Variants in EIF4G3 observed in about 807,000 individuals in gnomAD.
The protein encoded by EIF4G3 is eukaryotic translation initiation factor 4 gamma 3, also known as eIF-4-gamma 3.
EIF4G3 carries 34 observed loss-of-function variants against 186.4 expected under a neutral mutation model. The ratio of observed to expected loss-of-function variants is 0.18; its 90% CI spans 0.14 to 0.24. EIF4G3 has a LOEUF of 0.24. EIF4G3 is among the 10% of genes least tolerant of loss of function. EIF4G3 has a pLI of 1.00. For missense variants in EIF4G3, 1,536 were observed against 1,948.5 expected (o/e 0.79, Z 3.99); for synonymous variants, 673 against 679.5 (o/e 0.99, Z 0.15).
chr1:20,897,577 C>T (rs2088710282), intron 16 of EIF4G3, among the ~76,000 whole-genome samples: 1 of 152,022 alleles, frequency 6.6e-6, no homozygotes, highest in Admixed American at 6.6e-5. Flanking sequence ...AATCAGACTC[C>T]AGATTACTTC....
At chr1:20,861,965 C>G (rs2076456369) in intron 23 of EIF4G3, among the ~76,000 whole-genome samples, 1 of 151,190 alleles carries the variant, frequency 6.6e-6, no homozygotes, top group Non-Finnish European at 1.5e-5. Flanking sequence ...CAGAGTGAGA[C>G]TCTATCTCAA....
At chr1:21,141,202 G>T (rs950894854) in intron 2 of EIF4G3, among the ~76,000 whole-genome samples, 2 of 151,982 alleles carry the variant, frequency 1.3e-5, no homozygotes, top group East Asian at 3.9e-4. Context: ...CTACATAAAC[G>T]AAGAGGTGTC....
At chr1:20,951,681 T>C (rs1363977400) in intron 12 of EIF4G3, among the ~76,000 whole-genome samples, 1 of 151,946 alleles carries the variant, frequency 6.6e-6, no homozygotes, top group Non-Finnish European at 1.5e-5. Flanking sequence ...ATTTGTAAAT[T>C]GTATCATTTA....
At position 20,806,765 on chromosome 1, in the gene EIF4G3, C is replaced by G. The variant is rs1056369624; in HGVS notation, c.*554G>C. 1.3e-5 allele frequency: 2 copies of G among 150,166 alleles called. No individual in the cohort carries two copies. Among genetic ancestry groups the G allele is most frequent in the Admixed American group, 1.3e-4 (2 of 15,042 alleles). 9.3% of individuals were successfully genotyped at this position (150,166 alleles called of 1,614,324 possible). On this transcript the variant is annotated 3_prime_UTR_variant, in exon 37 of 37. Transcript: ENST00000602326. ...GATTTTTTAAATTTTCTGAAGCAAG[C>G]TGAGAGGCAGGCAGAAAGATTTGAT...
At chr1:20,809,277 T>G (rs2058758983) in intron 36 of EIF4G3, among the ~76,000 whole-genome samples, 1 of 152,226 alleles carries the variant, frequency 6.6e-6, no homozygotes, top group South Asian at 2.1e-4. Flanking sequence ...AAGCTAATAT[T>G]ATCAAATTAT....
At chr1:21,033,754 A>T (rs568278215) in intron 4 of EIF4G3, among the ~76,000 whole-genome samples, 1 of 152,318 alleles carries the variant, frequency 6.6e-6, no homozygotes, top group South Asian at 2.1e-4. Flanking sequence ...TGAAGAGAAC[A>T]TCGGGAATAC....
chr1:21,114,923 G>A (rs903537495), intron 2 of EIF4G3, among the ~76,000 whole-genome samples: 6 of 152,148 alleles, frequency 3.9e-5, no homozygotes, highest in Non-Finnish European at 5.9e-5. Context: ...AGCATTTTGA[G>A]AGGCTGAGGC....
chr1:20,887,717 A>G (rs956312060), intron 18 of EIF4G3, among the ~76,000 whole-genome samples: 2 of 152,142 alleles, frequency 1.3e-5, no homozygotes, highest in African/African-American at 4.8e-5. Flanking sequence ...ACTGAAAGGA[A>G]ATAAAGATCA....
intron 26 of EIF4G3, 110 bp from the exon 27 acceptor site, chr1:20,853,787 T>G (rs1472617539): frequency 2.7e-6 from 2 of 753,214 alleles, no homozygotes; most frequent in Non-Finnish European, 4.5e-6. Context: ...CCTAACAAGC[T>G]TAGGTGACGC....
At chr1:21,027,852 T>C (rs1197498498) in intron 4 of EIF4G3, among the ~76,000 whole-genome samples, 1 of 152,200 alleles carries the variant, frequency 6.6e-6, no homozygotes, top group East Asian at 1.9e-4. Flanking sequence ...TTCATATCAC[T>C]ATTATTCATA....
intron 14 of EIF4G3, among the ~76,000 whole-genome samples, chr1:20,909,312 T>G (rs1205438070): frequency 3.3e-5 from 5 of 152,350 alleles, no homozygotes; most frequent in Non-Finnish European, 1.5e-5. Context: ...TCTTTTTCTT[T>G]GCAGAAATAT....
At chr1:21,131,317 G>A (rs1467867510) in intron 2 of EIF4G3, among the ~76,000 whole-genome samples, 1 of 132,854 alleles carries the variant, frequency 7.5e-6, no homozygotes, top group African/African-American at 2.6e-5. Context: ...TACAACATAG[G>A]GAAGAAAAAA....
At chr1:21,091,134 A>G (rs1004949532) in intron 2 of EIF4G3, among the ~76,000 whole-genome samples, 13 of 152,194 alleles carry the variant, frequency 8.5e-5, no homozygotes, top group African/African-American at 3.1e-4. Flanking sequence ...AAACAGCTAT[A>G]GTCTTCTTTT....
chr1:21,118,041 C>G (rs1385789821), intron 2 of EIF4G3, among the ~76,000 whole-genome samples: 3 of 152,224 alleles, frequency 2.0e-5, no homozygotes, highest in African/African-American at 2.4e-5. Context: ...AGGACACAGT[C>G]TTTTGGCTTG....
intron 4 of EIF4G3, among the ~76,000 whole-genome samples, chr1:21,045,625 C>A (rs1404155374): frequency 6.6e-6 from 1 of 152,070 alleles, no homozygotes; most frequent in Non-Finnish European, 1.5e-5. Flanking sequence ...GAAAAAAGAC[C>A]TAGATTTTGA....
chr1:20,991,966 C>T (rs899415033), intron 7 of EIF4G3, among the ~76,000 whole-genome samples: 2 of 152,150 alleles, frequency 1.3e-5, no homozygotes, highest in African/African-American at 4.8e-5. Context: ...GTTATTAAAA[C>T]ATCTCAGTAT....
chr1:21,115,706 T>TTTGTTG (rs140196601), intron 2 of EIF4G3, among the ~76,000 whole-genome samples: 2 of 151,884 alleles, frequency 1.3e-5, no homozygotes, highest in South Asian at 2.1e-4. Flanking sequence ...ATTAGAATAA[T>TTTGTTG]TTGTTGTTGT....
chr1:20,981,195 T>A lies in EIF4G3; in HGVS notation c.231A>T (p.Arg77Ser). The A allele has an allele frequency of 1.2e-6, 2 of 1,612,096 alleles. No individual in the cohort carries two copies. The highest frequency in any genetic ancestry group is 8.5e-7 in the Non-Finnish European group (1 of 1,178,972). Residue 77 changes from arginine to serine, a missense_variant, in exon 9 of 37, where the codon AGA (arginine) becomes AGT (serine). Transcript: ENST00000602326. The part of the protein sequence containing the change: ...FFQRPQIQPP[R>S]ATIPNSSPSI... ...AAGGACTGCTGTTCGGGATGGTAGC[T>A]CTAGGAGGCTGTATTTGAGGCCTCT...
At chr1:20,895,048 C>T (rs772335975) in intron 17 of EIF4G3, among the ~76,000 whole-genome samples, 1 of 151,834 alleles carries the variant, frequency 6.6e-6, no homozygotes, top group African/African-American at 2.4e-5. Flanking sequence ...GAGGAAAGAC[C>T]TCCGTATCAA....
Sources: allele counts gnomAD v4.1 joint callset (sites outside exome capture counted in the v4.1 genomes callset), GRCh38; gene constraint gnomAD v4.1.1; transcripts MANE v1.5; gene names NCBI Gene and HGNC (gene_info 2026-07-23, HGNC 2026-07-21).